Variants in KCNB2 observed in about 807,000 individuals in gnomAD.
KCNB2 encodes potassium voltage-gated channel subfamily B member 2, also known as delayed rectifier potassium channel protein.
Under a neutral mutation model 61.5 loss-of-function variants are expected in KCNB2, and 15 were observed. The observed-to-expected ratio is 0.24, with a 90% confidence interval of 0.16 to 0.38. KCNB2 has a LOEUF of 0.38. KCNB2 is among the 10% of genes least tolerant of loss of function. KCNB2 has a pLI of 1.00. For synonymous variants in KCNB2, 457 were observed against 446.0 expected (o/e 1.02, Z -0.31); for missense variants, 828 against 1,125.2 (o/e 0.74, Z 3.78).
At position 72,920,469 on chromosome 8, in the gene KCNB2, C is replaced by CTATATATATA. The variant is rs1168802571; in HGVS notation, c.580-15463_580-15462insATATATATAT. 4.2e-5 allele frequency among the ~76,000 whole-genome samples: 3 copies of CTATATATATA among 71,302 alleles called. 1 individual carries two copies. Among genetic ancestry groups the CTATATATATA allele is most frequent in the African/African-American group, 1.1e-4 (2 of 18,616 alleles). 46.8% of individuals were successfully genotyped at this position (71,302 alleles called of 152,430 possible). A position where few individuals can be genotyped will look rare whatever the true frequency, so the allele number is the denominator to read the frequency against. ...TCTATCTATCTATCTATCTATCTAT[C>CTATATATATA]TATCTATATATATATATATTAGCTG... On this transcript the variant is annotated intron_variant, in intron 2 of 2. Transcript: ENST00000523207.
intron 2 of KCNB2, chr8:72,618,837 T>C (rs1008000212): frequency 8.4e-6 from 2 of 237,170 alleles, no homozygotes; most frequent in African/African-American, 2.3e-5. Context: ...TAAATCTAAA[T>C]AGAACTCCAT....
At position 72,897,282 on chromosome 8, in the gene KCNB2, T is replaced by G. The variant is rs569458725; in HGVS notation, c.580-38653T>G. On this transcript the variant is annotated intron_variant, in intron 2 of 2. Coordinates refer to ENST00000523207, the MANE Select transcript of KCNB2 (RefSeq NM_004770.3). ...ACAAAATCAAGTGAAAATAAAAAAATTATCTAATTTACCTGTTTCGTATGC... is the reference window on the plus strand; with the variant it reads ...ACAAAATCAAGTGAAAATAAAAAAAGTATCTAATTTACCTGTTTCGTATGC... 2.2e-3 allele frequency among the ~76,000 whole-genome samples: 303 copies of G among 137,678 alleles called. 2 individuals are homozygous for G. The highest frequency in any genetic ancestry group is 9.8e-3 in the African/African-American group (291 of 29,822). 90.3% of individuals were successfully genotyped at this position (137,678 alleles called of 152,430 possible). A position where few individuals can be genotyped will look rare whatever the true frequency, so the allele number is the denominator to read the frequency against.
At chr8:72,551,295 T>G (rs1215769760) in intron 1 of KCNB2, among the ~76,000 whole-genome samples, 1 of 152,172 alleles carries the variant, frequency 6.6e-6, no homozygotes, top group Non-Finnish European at 1.5e-5. Context: ...TTAAATGATT[T>G]CCCACTTTTC....
chr8:72,766,522 T>G (rs1185600062), intron 2 of KCNB2, among the ~76,000 whole-genome samples: 1 of 152,312 alleles, frequency 6.6e-6, no homozygotes, highest in South Asian at 2.1e-4. Flanking sequence ...CACATCACAA[T>G]TTTTTCCTGT....
chr8:72,752,702 T>G (rs1221109000), intron 2 of KCNB2, among the ~76,000 whole-genome samples: 1 of 152,182 alleles, frequency 6.6e-6, no homozygotes, highest in East Asian at 1.9e-4. Context: ...TGAGCTAATT[T>G]CTTATTTTAT....
At chr8:72,778,755 A>AG (rs1808703686) in intron 2 of KCNB2, among the ~76,000 whole-genome samples, 1 of 144,282 alleles carries the variant, frequency 6.9e-6, no homozygotes, top group Non-Finnish European at 1.5e-5. Context: ...AAAAAAAAAA[A>AG]AAAAAAAAGA....
intron 2 of KCNB2, among the ~76,000 whole-genome samples, chr8:72,621,332 C>T (rs1009405992): frequency 1.3e-4 from 20 of 152,148 alleles, no homozygotes; most frequent in Non-Finnish European, 2.9e-5. Flanking sequence ...GATCAAATCC[C>T]CCAGTCCAGA....
intron 2 of KCNB2, among the ~76,000 whole-genome samples, chr8:72,676,905 C>A (rs951434510): frequency 1.3e-5 from 2 of 152,180 alleles, no homozygotes; most frequent in East Asian, 3.9e-4. Context: ...CTATTAAGGG[C>A]TGAATTTTGT....
intron 1 of KCNB2, among the ~76,000 whole-genome samples, chr8:72,545,276 T>A (rs1406112820): frequency 6.6e-6 from 1 of 152,146 alleles, no homozygotes; most frequent in Non-Finnish European, 1.5e-5. Context: ...ATACCTCATT[T>A]TTATGGTGCT....
intron 2 of KCNB2, among the ~76,000 whole-genome samples, chr8:72,582,575 A>C (rs575036453): frequency 6.6e-6 from 1 of 152,298 alleles, no homozygotes; most frequent in East Asian, 1.9e-4. Flanking sequence ...TCTTTTTGTG[A>C]GGATTTGAAG....
chr8:72,735,213 AAC>A (rs764811623), intron 2 of KCNB2, among the ~76,000 whole-genome samples: 75 of 152,320 alleles, frequency 4.9e-4, no homozygotes, highest in South Asian at 8.3e-4. Context: ...TCCATTATTT[AAC>A]ACAAATTGTA....
intron 2 of KCNB2, among the ~76,000 whole-genome samples, chr8:72,718,364 C>G (rs958173490): frequency 1.1e-4 from 16 of 152,174 alleles, no homozygotes; most frequent in Admixed American, 7.2e-4. Flanking sequence ...CACATGCACA[C>G]GTATGTTTAT....
intron 1 of KCNB2, among the ~76,000 whole-genome samples, chr8:72,544,016 A>C (rs1471344126): frequency 1.3e-5 from 2 of 152,218 alleles, no homozygotes; most frequent in Non-Finnish European, 2.9e-5. Context: ...GGGACATCCT[A>C]TTAGTGGGCA....
At chr8:72,742,752 A>G (rs1029431738) in intron 2 of KCNB2, among the ~76,000 whole-genome samples, 3 of 152,212 alleles carry the variant, frequency 2.0e-5, no homozygotes, top group African/African-American at 7.2e-5. Context: ...TTCCACTCAC[A>G]TCTCACATCT....
chr8:72,636,756 G>A (rs981922958), intron 2 of KCNB2, among the ~76,000 whole-genome samples: 2 of 152,124 alleles, frequency 1.3e-5, no homozygotes, highest in African/African-American at 4.8e-5. Flanking sequence ...GTCTCTTAGA[G>A]CAATTTTTGT....
chr8:72,909,700 A>G (rs1436533958), intron 2 of KCNB2, among the ~76,000 whole-genome samples: 1 of 152,096 alleles, frequency 6.6e-6, no homozygotes, highest in Admixed American at 6.6e-5. Flanking sequence ...GGCAAAAAGG[A>G]TGAAGAGTAA....
At chr8:72,676,797 A>G (rs1806661054) in intron 2 of KCNB2, among the ~76,000 whole-genome samples, 1 of 151,858 alleles carries the variant, frequency 6.6e-6, no homozygotes, top group South Asian at 2.1e-4. Context: ...ATCACAGGAG[A>G]ACTTCCACAG....
chr8:72,566,230 G>A (rs1354152873), intron 1 of KCNB2, among the ~76,000 whole-genome samples: 1 of 152,186 alleles, frequency 6.6e-6, no homozygotes, highest in Non-Finnish European at 1.5e-5. Flanking sequence ...AGGCTTTAAA[G>A]TGCTGGTAGG....
At chr8:72,539,443 C>G (rs546143955) in intron 1 of KCNB2, among the ~76,000 whole-genome samples, 1 of 152,280 alleles carries the variant, frequency 6.6e-6, no homozygotes, top group East Asian at 1.9e-4. Flanking sequence ...AGGTTTAGAA[C>G]AATTGTTTAT....
Sources: gnomAD v4.1 joint callset for allele counts (sites outside exome capture counted in the v4.1 genomes callset) on GRCh38, gnomAD v4.1.1 for gene constraint, MANE v1.5 for transcripts, NCBI Gene and HGNC (gene_info 2026-07-23, HGNC 2026-07-21) for gene names.